The following SNX2 variants were observed in gnomAD, a reference collection of about 807,000 sequenced individuals.
SNX2 encodes the protein sorting nexin-2.
SNX2 carries 25 observed loss-of-function variants against 69.9 expected under a neutral mutation model. That is an observed-to-expected ratio of 0.36 (90% CI 0.26 to 0.50). SNX2 has a LOEUF of 0.50. Ranked by LOEUF, SNX2 falls within the 20% of genes least tolerant of loss-of-function variation. The pLI is 0.97. For synonymous variants in SNX2, 229 were observed against 200.4 expected (o/e 1.14, Z -1.20); for missense variants, 551 against 613.3 (o/e 0.90, Z 1.07).
At chr5:122,780,575 TC>T (rs368432378) in intron 1 of SNX2, among the ~76,000 whole-genome samples, 19,057 of 131,542 alleles carry the variant, frequency 0.14, 3,743 homozygotes, top group African/African-American at 0.44. Context: ...TCTTTTCTTT[TC>T]TTTTTTTTTT....
chr5:122,811,695 G>A (rs921185143), intron 7 of SNX2, among the ~76,000 whole-genome samples: 1 of 152,046 alleles, frequency 6.6e-6, no homozygotes. Context: ...GCTGGGTGTG[G>A]TGGCGCGTGC....
At position 122,831,422 on chromosome 5, in the gene SNX2, A is replaced by G. The variant is rs1056783865; in HGVS notation, c.*1774A>G. Among the ~76,000 whole-genome samples, 2 of 152,130 alleles carry G rather than the reference A, an allele frequency of 1.3e-5. No individual in the cohort carries two copies. Among genetic ancestry groups the G allele is most frequent in the African/African-American group, 4.8e-5 (2 of 41,436 alleles). On this transcript the variant is annotated 3_prime_UTR_variant, in exon 15 of 15. Coordinates refer to ENST00000379516, the MANE Select transcript of SNX2 (RefSeq NM_003100.4). The stretch of plus-strand genomic sequence containing the variant: ...CAGGAGTTTGAGGCTATAGTACACT[A>G]TGATCGTGCCTGTGAATACCCACTA...
chr5:122,775,584 G>C, intron 1 of SNX2: 2 of 996,038 alleles, frequency 2.0e-6, no homozygotes. Flanking sequence ...TCTTTTGAAG[G>C]GGTGCTCGCT....
chr5:122,817,113 G>A (rs1753916916), intron 9 of SNX2, 85 bp downstream of exon 9: 1 of 1,177,230 alleles, frequency 8.5e-7, no homozygotes, highest in African/African-American at 1.5e-5. Context: ...GTGGAAAATA[G>A]GATATTAATT....
At chr5:122,825,353 ATTTCT>A (rs1408474205) in intron 11 of SNX2, among the ~76,000 whole-genome samples, 1 of 151,740 alleles carries the variant, frequency 6.6e-6, no homozygotes, top group Admixed American at 6.6e-5. Flanking sequence ...TCCATATTTC[ATTTCT>A]TTTCTCTATT....
intron 7 of SNX2, among the ~76,000 whole-genome samples, chr5:122,811,180 G>A (rs1352215716): frequency 1.3e-5 from 2 of 152,156 alleles, no homozygotes; most frequent in Non-Finnish European, 2.9e-5. Context: ...AGATAATCCA[G>A]ATGACTACCT....
At chr5:122,821,083 A>G (rs1208179152) in intron 11 of SNX2, among the ~76,000 whole-genome samples, 1 of 152,212 alleles carries the variant, frequency 6.6e-6, no homozygotes, top group African/African-American at 2.4e-5. Context: ...GATATTATGG[A>G]AGGAGGTGAC....
Position 122,832,318 on chromosome 5 carries a change from T to C in SNX2, c.*2670T>C, listed in dbSNP as rs1364533783. ...TGAAGTGCCTTTCTACTTTAAAATA[T>C]TTTGTTTAAAATATCAAACTTCAAT... On this transcript the variant is annotated 3_prime_UTR_variant, in exon 15 of 15. Coordinates refer to ENST00000379516, the MANE Select transcript of SNX2 (RefSeq NM_003100.4). 1 of 152,214 alleles carries C rather than the reference T, an allele frequency of 6.6e-6. No individual in the cohort carries two copies. Among genetic ancestry groups the C allele is most frequent in the Non-Finnish European group, 1.5e-5 (1 of 68,028 alleles). The allele number at this position is 152,214 out of a possible 1,614,324, so 9.4% of individuals were successfully genotyped here.
chr5:122,783,989 A>G (rs1753029257), intron 1 of SNX2, among the ~76,000 whole-genome samples: 1 of 151,758 alleles, frequency 6.6e-6, no homozygotes, highest in African/African-American at 2.4e-5. Flanking sequence ...ATATTTTGTT[A>G]TGTGCTAGAT....
At position 122,817,310 on chromosome 5, in the gene SNX2, A is replaced by G; in HGVS notation, c.943A>G (p.Asn315Asp). ...TGAAGAAAAGCAGCAGCAATTTGAG[A>G]ATCTGGATCAGCAACTTAGGAAACT... ...WFEEKQQQFENLDQQLRKLHV... is the reference protein window; with the variant it reads ...WFEEKQQQFEDLDQQLRKLHV... The change falls in exon 10 of 15, where the codon AAT (asparagine) becomes GAT (aspartate). Residue 315 changes from asparagine (N) to aspartate (D), a missense_variant. Asn to Asp is a conservative substitution (Grantham distance 23). Around this residue, in one of 2 missense-constraint regions of SNX2, gnomAD observed 360 missense variants for 450.4 expected, o/e 0.80. Transcript: ENST00000379516. 1 of 1,613,978 alleles carries G rather than the reference A, an allele frequency of 6.2e-7. No individual in the cohort carries two copies.
At chr5:122,788,474 A>G (rs1753139258) in intron 1 of SNX2, among the ~76,000 whole-genome samples, 4 of 152,158 alleles carry the variant, frequency 2.6e-5, no homozygotes, top group Non-Finnish European at 5.9e-5. Flanking sequence ...TTCTGCAGCA[A>G]TCTTTCATCC....
chr5:122,775,834 G>A (rs1420865679), intron 1 of SNX2: 43 of 958,614 alleles, frequency 4.5e-5, no homozygotes, highest in Non-Finnish European at 5.2e-5. Flanking sequence ...TTTATAAAAT[G>A]TAAAGCTGAA....
chr5:122,775,035 G>T, upstream of SNX2: 1 of 1,440,924 alleles, frequency 6.9e-7, no homozygotes, highest in South Asian at 1.4e-5. Context: ...GTCGGCGCGG[G>T]CCCAGCCGTG....
intron 1 of SNX2, among the ~76,000 whole-genome samples, chr5:122,791,721 A>G (rs1408347437): frequency 1.3e-5 from 2 of 152,190 alleles, no homozygotes; most frequent in African/African-American, 2.4e-5. Context: ...CTGGCCCTCA[A>G]TTTTTATAGT....
At chr5:122,777,024 A>G (rs1752872460) in intron 1 of SNX2, among the ~76,000 whole-genome samples, 1 of 152,102 alleles carries the variant, frequency 6.6e-6, no homozygotes, top group Non-Finnish European at 1.5e-5. Context: ...TGGCTATGAG[A>G]TTTGTAAAGT....
Position 122,775,161 on chromosome 5 carries a change from G to T in SNX2, c.58G>T (p.Asp20Tyr). The T allele has an allele frequency of 1.9e-6, 3 of 1,596,684 alleles. No homozygotes were observed. The highest frequency in any genetic ancestry group is 8.5e-7 in the Non-Finnish European group (1 of 1,173,282). Residue 20 changes from aspartate (D) to tyrosine (Y), a missense_variant, in exon 1 of 15, where the codon GAT becomes TAT. By Grantham distance (160) the Asp-to-Tyr change is radical (BLOSUM62 -3). This residue lies in a region of SNX2 where 191 missense variants were observed against 162.9 expected (regional missense o/e 1.17). Transcript: ENST00000379516. ...LGDGKPTDFE[D>Y]LEDGEDLFTS... ...GGACGGGAAGCCCACCGACTTTGAG[G>T]ATCTGGAGGACGGAGAGGACCTGTT...
At chr5:122,804,134 A>T (rs1238461071) in intron 6 of SNX2, among the ~76,000 whole-genome samples, 3 of 151,976 alleles carry the variant, frequency 2.0e-5, no homozygotes, top group Admixed American at 2.0e-4. Context: ...CAAAAAAAAA[A>T]TTGGGTTGAA....
chr5:122,797,170 C>T (rs1319135046), intron 2 of SNX2, among the ~76,000 whole-genome samples: 4 of 152,226 alleles, frequency 2.6e-5, no homozygotes, highest in Admixed American at 2.0e-4. Context: ...TCAAACAGTC[C>T]TCCCACCTGG....
chr5:122,787,513 G>GT (rs1753115023), intron 1 of SNX2, among the ~76,000 whole-genome samples: 1 of 151,582 alleles, frequency 6.6e-6, no homozygotes, highest in East Asian at 1.9e-4. Context: ...GAGCAAGACT[G>GT]TCCCCCCCCA....
Sources: gnomAD v4.1 joint callset for allele counts (sites outside exome capture counted in the v4.1 genomes callset) on GRCh38, gnomAD v4.1.1 for gene constraint, gnomAD v4.1.1 regional missense constraint, MANE v1.5 for transcripts, NCBI Gene and HGNC (gene_info 2026-07-23, HGNC 2026-07-21) for gene names.